The following TNIK variants were observed in gnomAD, a reference collection of about 807,000 sequenced individuals.
TNIK encodes the protein TRAF2 and NCK interacting kinase.
TNIK carries 49 observed loss-of-function variants against 191.3 expected under a neutral mutation model. The observed-to-expected ratio is 0.26, with a 90% CI of 0.20 to 0.32. The LOEUF is 0.32. TNIK is among the 10% of genes least tolerant of loss of function. TNIK has a pLI of 1.00. For synonymous variants in TNIK, 594 were observed against 600.9 expected (o/e 0.99, Z 0.17); for missense variants, 1,155 against 1,702.3 (o/e 0.68, Z 5.66).
At chr3:171,271,222 C>T (rs1290829451) in intron 2 of TNIK, among the ~76,000 whole-genome samples, 1 of 152,216 alleles carries the variant, frequency 6.6e-6, no homozygotes, top group Admixed American at 6.5e-5. Context: ...GTGTTGCCAA[C>T]TCTAATAGTT....
chr3:171,380,041 A>ACG (rs1717828358), intron 1 of TNIK, among the ~76,000 whole-genome samples: 2 of 151,494 alleles, frequency 1.3e-5, no homozygotes, highest in Non-Finnish European at 2.9e-5. Context: ...ACACACACAC[A>ACG]CACACACACA....
At chr3:171,142,794 AATT>A (rs1258729018) in intron 12 of TNIK, among the ~76,000 whole-genome samples, 2 of 152,186 alleles carry the variant, frequency 1.3e-5, no homozygotes, top group Non-Finnish European at 2.9e-5. Context: ...AGAATAAAAT[AATT>A]ATGTGTACAG....
chr3:171,403,626 A>G (rs1039991082), intron 1 of TNIK, among the ~76,000 whole-genome samples: 3 of 151,306 alleles, frequency 2.0e-5, no homozygotes, highest in Non-Finnish European at 4.4e-5. Context: ...AAAAAAAAAA[A>G]AAAAAAAGAA....
intron 2 of TNIK, among the ~76,000 whole-genome samples, chr3:171,229,892 G>A (rs187825598): frequency 2.6e-5 from 4 of 152,062 alleles, no homozygotes; most frequent in Non-Finnish European, 4.4e-5. Flanking sequence ...AGAGGATGGC[G>A]TGTTACCTTG....
chr3:171,336,633 G>A (rs1047007341), intron 2 of TNIK, among the ~76,000 whole-genome samples: 1 of 152,172 alleles, frequency 6.6e-6, no homozygotes, highest in African/African-American at 2.4e-5. Flanking sequence ...CTCTGCTTGA[G>A]AGGTAGGCAA....
At chr3:171,165,555 C>T (rs1218734454) in intron 10 of TNIK, among the ~76,000 whole-genome samples, 2 of 152,192 alleles carry the variant, frequency 1.3e-5, no homozygotes, top group Non-Finnish European at 2.9e-5. Context: ...CGCTAGTCCC[C>T]AGCTTGTGTT....
intron 2 of TNIK, among the ~76,000 whole-genome samples, chr3:171,314,272 A>T (rs1754357460): frequency 6.6e-6 from 1 of 152,004 alleles, no homozygotes; most frequent in African/African-American, 2.4e-5. Flanking sequence ...ATCCCTCTAT[A>T]CTCAGAGCCA....
At chr3:171,203,481 T>C (rs1459760988) in intron 4 of TNIK, among the ~76,000 whole-genome samples, 3 of 152,242 alleles carry the variant, frequency 2.0e-5, no homozygotes, top group Non-Finnish European at 2.9e-5. Flanking sequence ...TACACTGCTC[T>C]AAAATACTGC....
intron 2 of TNIK, among the ~76,000 whole-genome samples, chr3:171,354,136 A>G (rs988621572): frequency 2.0e-5 from 3 of 152,166 alleles, no homozygotes; most frequent in African/African-American, 7.2e-5. Context: ...ACAAACACCA[A>G]ATTCATTATA....
chr3:171,188,938 T>C lies in TNIK; in HGVS notation c.509-106A>G, dbSNP rs1476845277. The C allele has an allele frequency of 5.1e-6, 7 of 1,371,852 alleles. No individual in the cohort carries two copies. The Admixed American group carries it at 1.5e-4, about 30-fold the overall frequency. 85.0% of individuals were successfully genotyped at this position (1,371,852 alleles called of 1,614,324 possible). A position where few individuals can be genotyped will look rare whatever the true frequency, so the allele number is the denominator to read the frequency against. ...GTGGTAAAACATAAGTAACATAAAG[T>C]GTACAATTTTGACCATTTTCAAATG... On this transcript the variant is annotated intron_variant, in intron 6 of 32. Transcript: ENST00000436636.
intron 4 of TNIK, among the ~76,000 whole-genome samples, chr3:171,198,642 G>C (rs1739020148): frequency 6.6e-6 from 1 of 152,144 alleles, no homozygotes; most frequent in South Asian, 2.1e-4. Flanking sequence ...GGGTGGAACT[G>C]GCCACTGATT....
intron 2 of TNIK, among the ~76,000 whole-genome samples, chr3:171,251,722 C>G (rs946747430): frequency 2.0e-5 from 3 of 152,184 alleles, no homozygotes; most frequent in African/African-American, 7.2e-5. Context: ...TGAATGTTGT[C>G]TCTAGGCACT....
chr3:171,244,773 C>A (rs914401141), intron 2 of TNIK, among the ~76,000 whole-genome samples: 1 of 151,242 alleles, frequency 6.6e-6, no homozygotes, highest in Non-Finnish European at 1.5e-5. Flanking sequence ...TTAGAAAAAT[C>A]AACTCAATAG....
intron 2 of TNIK, among the ~76,000 whole-genome samples, chr3:171,296,281 C>A (rs1394272232): frequency 1.3e-5 from 2 of 152,104 alleles, no homozygotes; most frequent in Non-Finnish European, 2.9e-5. Flanking sequence ...GCAGCCAAGG[C>A]AAATTAACTG....
intron 2 of TNIK, among the ~76,000 whole-genome samples, chr3:171,241,178 G>A (rs55633051): frequency 0.67 from 101,497 of 151,844 alleles, 36,243 homozygotes; most frequent in East Asian, 0.92. Flanking sequence ...TTACAGGTGC[G>A]CACCACCACA....
At chr3:171,371,140 C>T (rs1716435178) in intron 1 of TNIK, among the ~76,000 whole-genome samples, 1 of 152,058 alleles carries the variant, frequency 6.6e-6, no homozygotes, top group Admixed American at 6.6e-5. Context: ...TGCACAATGC[C>T]TTTCAAGTAG....
chr3:171,318,134 G>C (rs1401785878), intron 2 of TNIK, among the ~76,000 whole-genome samples: 1 of 152,140 alleles, frequency 6.6e-6, no homozygotes, highest in Non-Finnish European at 1.5e-5. Flanking sequence ...CCTCAGTGTA[G>C]AAAGAAGGAG....
At chr3:171,139,672 A>T (rs1730540461) in intron 13 of TNIK, 116 bp from the exon 14 acceptor site, 1 of 826,030 alleles carries the variant, frequency 1.2e-6, no homozygotes, top group Admixed American at 2.2e-5. Flanking sequence ...GAGGGGAAAA[A>T]TACCCAAATA....
intron 1 of TNIK, among the ~76,000 whole-genome samples, chr3:171,391,773 G>T (rs1719541128): frequency 6.6e-6 from 1 of 152,006 alleles, no homozygotes; most frequent in Admixed American, 6.6e-5. Flanking sequence ...CAGTTAACTT[G>T]TAGGCCCCCA....
Sources: allele counts gnomAD v4.1 joint callset (sites outside exome capture counted in the v4.1 genomes callset), GRCh38; gene constraint gnomAD v4.1.1; transcripts MANE v1.5; gene names NCBI Gene and HGNC (gene_info 2026-07-23, HGNC 2026-07-21).